Variants in UNC5B observed in about 807,000 individuals in gnomAD.
UNC5B encodes unc-5 netrin receptor B, also known as netrin receptor UNC5B.
A neutral mutation model predicts 103.7 loss-of-function variants in UNC5B; 56 were observed. The ratio of observed to expected loss-of-function variants is 0.54; its 90% CI spans 0.44 to 0.67. UNC5B has a LOEUF of 0.67. UNC5B is among the 30% of genes least tolerant of loss of function. The pLI is 0.00. For synonymous variants in UNC5B, 577 were observed against 542.0 expected, an observed-to-expected ratio of 1.06 and a Z score of -0.90; for missense variants, 1,194 against 1,284.5, an observed-to-expected ratio of 0.93 and a Z score of 1.08.
At chr10:71,297,154 C>T (rs1413499498) in intron 15 of UNC5B, among the ~76,000 whole-genome samples, 2 of 152,072 alleles carry the variant, frequency 1.3e-5, no homozygotes, top group Non-Finnish European at 2.9e-5. Context: ...CCTGTAGTTC[C>T]CTCTCACCTC....
rs924561929 is a variant in UNC5B, at chr10:71,224,831, G to A, written c.79+11767G>A. 2.0e-5 allele frequency among the ~76,000 whole-genome samples: 3 copies of A among 152,274 alleles called. No homozygotes were observed. In the East Asian group the frequency reaches 5.8e-4, roughly 29 times the overall value. On this transcript the variant is annotated intron_variant, in intron 1 of 16. Coordinates refer to ENST00000335350, the MANE Select transcript of UNC5B (RefSeq NM_170744.5). Reference sequence around the variant, plus strand: ...GCTGGATCCCAAATCCACAGAGCCCGCCTTCTTTCTTTCTGATATTGCCTT... The same window carrying A: ...GCTGGATCCCAAATCCACAGAGCCCACCTTCTTTCTTTCTGATATTGCCTT...
At chr10:71,258,104 A>C (rs532028421) in intron 1 of UNC5B, among the ~76,000 whole-genome samples, 3 of 152,246 alleles carry the variant, frequency 2.0e-5, no homozygotes, top group Non-Finnish European at 4.4e-5. Context: ...AGGGACTGTT[A>C]GCCCATTTTA....
chr10:71,262,396 A>C (rs1411641936), intron 1 of UNC5B, among the ~76,000 whole-genome samples: 2 of 146,682 alleles, frequency 1.4e-5, no homozygotes, highest in African/African-American at 5.1e-5. Context: ...GGGCAGGGCC[A>C]GGATTGTGGG....
At chr10:71,227,697 TAC>T (rs1454704051) in intron 1 of UNC5B, among the ~76,000 whole-genome samples, 4 of 113,780 alleles carry the variant, frequency 3.5e-5, no homozygotes, top group African/African-American at 1.5e-4. Context: ...CACATATATA[TAC>T]ACACATATAC....
At chr10:71,274,229 C>T (rs1276481554) in intron 1 of UNC5B, among the ~76,000 whole-genome samples, 1 of 79,290 alleles carries the variant, frequency 1.3e-5, no homozygotes, top group Non-Finnish European at 4.0e-5. Context: ...GTTGTGGTGG[C>T]GGGTGCCTGT....
chr10:71,261,835 T>C (rs1304926456), intron 1 of UNC5B, among the ~76,000 whole-genome samples: 5 of 152,112 alleles, frequency 3.3e-5, no homozygotes, highest in Non-Finnish European at 5.9e-5. Context: ...GTCCACAGGG[T>C]TGCTGTGCCC....
chr10:71,240,972 A>G (rs573553118), intron 1 of UNC5B, among the ~76,000 whole-genome samples: 2 of 152,344 alleles, frequency 1.3e-5, no homozygotes, highest in South Asian at 2.1e-4. Flanking sequence ...CCAAGATTCT[A>G]TAATTTTGTT....
At position 71,302,016 on chromosome 10, in the gene UNC5B, G is replaced by A. The variant is rs2132323001; in HGVS notation, c.*2739G>A. ...CCAGAAATGTGCACCATGTCCTAGA[G>A]CACAGACCCATTGGCTGGAGCCTCC... On this transcript the variant is annotated 3_prime_UTR_variant, in exon 17 of 17. Transcript: ENST00000335350. The A allele has an allele frequency of 6.6e-6, 1 of 152,364 alleles. No homozygotes were observed. The highest frequency in any genetic ancestry group is 2.4e-5 in the African/African-American group (1 of 41,576). The allele number at this position is 152,364 out of a possible 1,614,324, so 9.4% of individuals were successfully genotyped here.
In UNC5B at chr10:71,213,872, C is replaced by A. The variant is rs1403823372; in HGVS notation, c.79+808C>A. ...TAGGTGCGCTCTCCTTGGTACAGCG[C>A]CCGCTCTGGACCCACCAAGATGACT... On this transcript the variant is annotated intron_variant, in intron 1 of 16. Transcript: ENST00000335350. The surrounding 1 kb of genome is among the most constrained non-coding windows in gnomAD (Gnocchi z 4.1). Among the ~76,000 whole-genome samples the A allele has an allele frequency of 6.6e-6, 1 of 151,804 alleles. No individual in the cohort carries two copies. The highest frequency in any genetic ancestry group is 6.6e-5 in the Admixed American group (1 of 15,246).
intron 14 of UNC5B, 50 bp downstream of exon 14, chr10:71,296,010 G>T: frequency 3.7e-6 from 6 of 1,609,868 alleles, no homozygotes; most frequent in Non-Finnish European, 8.5e-7. Context: ...AGGGCTGCCC[G>T]GGAAGCCCAG....
chr10:71,297,190 T>C (rs1006958035), intron 15 of UNC5B, among the ~76,000 whole-genome samples: 1 of 152,280 alleles, frequency 6.6e-6, no homozygotes, highest in East Asian at 1.9e-4. Flanking sequence ...TATCTGGTCA[T>C]GTTTTTCTAA....
intron 1 of UNC5B, among the ~76,000 whole-genome samples, chr10:71,263,828 G>C (rs1564722326): frequency 6.6e-6 from 1 of 152,122 alleles, no homozygotes; most frequent in African/African-American, 2.4e-5. Context: ...TGAGCCACAG[G>C]GGTGCCCAGT....
intron 1 of UNC5B, among the ~76,000 whole-genome samples, chr10:71,268,146 G>A (rs1298783050): frequency 6.6e-6 from 1 of 152,188 alleles, no homozygotes; most frequent in Non-Finnish European, 1.5e-5. Flanking sequence ...AAAATCCAAG[G>A]GGAAACCCCT....
At chr10:71,218,421 C>A (rs1161379952) in intron 1 of UNC5B, among the ~76,000 whole-genome samples, 2 of 152,196 alleles carry the variant, frequency 1.3e-5, no homozygotes, top group African/African-American at 2.4e-5. Flanking sequence ...GATTCCACTT[C>A]AGGATGGGAC....
At chr10:71,224,475 C>G (rs1412225377) in intron 1 of UNC5B, among the ~76,000 whole-genome samples, 1 of 149,526 alleles carries the variant, frequency 6.7e-6, no homozygotes, top group African/African-American at 2.5e-5. Flanking sequence ...TCTTTTTTTT[C>G]TTTTTTTGGA....
intron 1 of UNC5B, among the ~76,000 whole-genome samples, chr10:71,274,940 T>G (rs558423472): frequency 1.4e-4 from 22 of 152,346 alleles, no homozygotes; most frequent in South Asian, 2.1e-4. Flanking sequence ...ATAAGGGATC[T>G]TTAAACCTCA....
intron 1 of UNC5B, among the ~76,000 whole-genome samples, chr10:71,253,700 G>T (rs914026666): frequency 6.6e-6 from 1 of 152,176 alleles, no homozygotes; most frequent in African/African-American, 2.4e-5. Context: ...CTGCCAAGGG[G>T]AGGAGGGGCA....
intron 1 of UNC5B, among the ~76,000 whole-genome samples, chr10:71,249,558 C>G (rs1844126357): frequency 6.6e-6 from 1 of 152,120 alleles, no homozygotes; most frequent in Non-Finnish European, 1.5e-5. Context: ...CAGGTGAGGC[C>G]CTTGGGATCC....
In UNC5B at chr10:71,301,366, G is replaced by C. The variant is rs1256454800; in HGVS notation, c.*2089G>C. 2.0e-5 allele frequency: 3 copies of C among 152,330 alleles called. No individual in the cohort carries two copies. Among genetic ancestry groups the C allele is most frequent in the South Asian group, 4.1e-4 (2 of 4,838 alleles). The allele number at this position is 152,330 out of a possible 1,614,324, so 9.4% of individuals were successfully genotyped here. ...AAGGAGGACTTGCCTGGAGATTTGA[G>C]AGAAGATTCCTTCTACCAGGGCTGC... is the stretch of plus-strand genomic sequence containing the variant. On this transcript the variant is annotated 3_prime_UTR_variant, in exon 17 of 17. Transcript: ENST00000335350.
Sources: gnomAD v4.1 joint callset for allele counts (sites outside exome capture counted in the v4.1 genomes callset) on GRCh38, gnomAD v4.1.1 for gene constraint, Gnocchi (gnomAD v3.1) non-coding constraint, MANE v1.5 for transcripts, NCBI Gene and HGNC (gene_info 2026-07-23, HGNC 2026-07-21) for gene names.